The following SLC2A13 variants were observed in gnomAD, a reference collection of about 807,000 sequenced individuals.
SLC2A13 encodes the protein proton myo-inositol cotransporter.
A neutral mutation model predicts 64.4 loss-of-function variants in SLC2A13; 32 were observed. That is an observed-to-expected ratio of 0.50 (90% CI 0.37 to 0.67). The LOEUF (loss-of-function observed/expected upper bound fraction) is 0.67. SLC2A13 is among the 30% of genes least tolerant of loss of function. The pLI, the probability that SLC2A13 is intolerant of heterozygous loss-of-function variation, is 0.00. For synonymous variants in SLC2A13, 338 were observed against 327.1 expected (o/e 1.03, Z -0.36); for missense variants, 743 against 829.2 (o/e 0.90, Z 1.28).
chr12:39,978,764 C>T (rs12815153), intron 3 of SLC2A13, among the ~76,000 whole-genome samples: 24,101 of 152,082 alleles, frequency 0.16, 2,061 homozygotes, highest in East Asian at 0.39. Flanking sequence ...CCGCCATTGC[C>T]CAGGCTTGCT....
intron 1 of SLC2A13, among the ~76,000 whole-genome samples, chr12:40,082,430 G>A (rs1028607321): frequency 6.6e-6 from 1 of 152,198 alleles, no homozygotes; most frequent in African/African-American, 2.4e-5. Flanking sequence ...GAAGCTCTCT[G>A]TGAGGATGGA....
intron 9 of SLC2A13, among the ~76,000 whole-genome samples, chr12:39,762,115 A>C (rs1940175587): frequency 6.6e-6 from 1 of 152,052 alleles, no homozygotes; most frequent in African/African-American, 2.4e-5. Flanking sequence ...CAAATGCCAA[A>C]ACTGCCTACT....
chr12:39,957,974 G>A (rs1381394153), intron 3 of SLC2A13, among the ~76,000 whole-genome samples: 1 of 152,164 alleles, frequency 6.6e-6, no homozygotes, highest in Non-Finnish European at 1.5e-5. Flanking sequence ...TACATATACA[G>A]TATTATGAGA....
chr12:39,920,556 A>T (rs928510537), intron 4 of SLC2A13, among the ~76,000 whole-genome samples: 2 of 152,092 alleles, frequency 1.3e-5, no homozygotes, highest in Non-Finnish European at 2.9e-5. Context: ...TCCTTCATGT[A>T]GCAAAGCATC....
chr12:40,101,625 T>C (rs1401211088), intron 1 of SLC2A13, among the ~76,000 whole-genome samples: 1 of 152,180 alleles, frequency 6.6e-6, no homozygotes, highest in African/African-American at 2.4e-5. Context: ...TTATTTACTG[T>C]TAAAAACCTC....
At chr12:39,839,447 C>T (rs1324912568) in intron 6 of SLC2A13, among the ~76,000 whole-genome samples, 1 of 152,036 alleles carries the variant, frequency 6.6e-6, no homozygotes, top group Non-Finnish European at 1.5e-5. Flanking sequence ...TTTCATGAAG[C>T]AAATTATCCT....
intron 1 of SLC2A13, chr12:40,068,546 G>A (rs1245145786): frequency 9.1e-6 from 2 of 219,766 alleles, no homozygotes; most frequent in South Asian, 7.4e-5. Context: ...GGAGCCTAGC[G>A]TTGATCAACT....
chr12:39,949,459 T>C (rs902775344), intron 4 of SLC2A13: 4 of 152,222 alleles, frequency 2.6e-5, no homozygotes, highest in African/African-American at 9.6e-5. Flanking sequence ...AGGATCCTTA[T>C]ATCACTTGAT....
intron 6 of SLC2A13, among the ~76,000 whole-genome samples, chr12:39,863,763 A>G (rs1943828741): frequency 6.6e-6 from 1 of 152,172 alleles, no homozygotes; most frequent in Non-Finnish European, 1.5e-5. Flanking sequence ...CTATTTTCCA[A>G]AGGCACATAG....
chr12:40,076,138 C>A (rs1482559211), intron 1 of SLC2A13, among the ~76,000 whole-genome samples: 1 of 152,152 alleles, frequency 6.6e-6, no homozygotes, highest in Non-Finnish European at 1.5e-5. Flanking sequence ...ATATTCTGAA[C>A]ATGTTGGATA....
intron 6 of SLC2A13, among the ~76,000 whole-genome samples, chr12:39,838,213 T>C (rs1371026269): frequency 6.6e-6 from 1 of 151,012 alleles, no homozygotes; most frequent in Admixed American, 6.6e-5. Flanking sequence ...AAATTGGAAA[T>C]CATCATTCTC....
chr12:39,948,231 T>G (rs1946172459), intron 4 of SLC2A13, among the ~76,000 whole-genome samples: 1 of 152,176 alleles, frequency 6.6e-6, no homozygotes, highest in Non-Finnish European at 1.5e-5. Flanking sequence ...ATGTAATGTC[T>G]GAAATATGTA....
At chr12:39,961,812 T>G (rs1020608099) in intron 3 of SLC2A13, among the ~76,000 whole-genome samples, 1 of 151,678 alleles carries the variant, frequency 6.6e-6, no homozygotes, top group African/African-American at 2.4e-5. Flanking sequence ...TTCTTTTCTT[T>G]TTATGAGACA....
At chr12:39,920,079 A>G (rs1945589096) in intron 4 of SLC2A13, among the ~76,000 whole-genome samples, 2 of 152,058 alleles carry the variant, frequency 1.3e-5, no homozygotes, top group African/African-American at 4.8e-5. Flanking sequence ...GTGCTCACCA[A>G]GGGAATTTAC....
intron 3 of SLC2A13, among the ~76,000 whole-genome samples, chr12:40,010,504 GA>G (rs374070707): frequency 9.7e-4 from 147 of 151,790 alleles, no homozygotes; most frequent in Non-Finnish European, 1.8e-3. Flanking sequence ...AAAAACCACA[GA>G]AAAAAATGTA....
intron 4 of SLC2A13, among the ~76,000 whole-genome samples, chr12:39,922,912 G>A (rs574887969): frequency 1.3e-5 from 2 of 152,252 alleles, no homozygotes; most frequent in South Asian, 4.1e-4. Context: ...ACCAAATACT[G>A]CCTCTATTTT....
chr12:40,027,079 CAA>C (rs762673381), intron 3 of SLC2A13, among the ~76,000 whole-genome samples: 8 of 83,758 alleles, frequency 9.6e-5, no homozygotes, highest in African/African-American at 1.4e-4. Context: ...GACTTCATCT[CAA>C]AAAAAAAAAA....
intron 4 of SLC2A13, among the ~76,000 whole-genome samples, chr12:39,919,903 A>C (rs1945585663): frequency 6.6e-6 from 1 of 152,112 alleles, no homozygotes; most frequent in Non-Finnish European, 1.5e-5. Flanking sequence ...CACATTCCCC[A>C]AAGCTATTAT....
intron 1 of SLC2A13, among the ~76,000 whole-genome samples, chr12:40,079,992 T>C (rs926948443): frequency 6.6e-6 from 1 of 152,122 alleles, no homozygotes; most frequent in Non-Finnish European, 1.5e-5. Context: ...GCCTCCCAAG[T>C]AGCTGGTACA....
Sources: gnomAD v4.1 joint callset for allele counts (sites outside exome capture counted in the v4.1 genomes callset) on GRCh38, gnomAD v4.1.1 for gene constraint, MANE v1.5 for transcripts, NCBI Gene and HGNC (gene_info 2026-07-23, HGNC 2026-07-21) for gene names.